DCAF8L2: variants seen among roughly 807,000 people sequenced by gnomAD.
DCAF8L2 encodes DDB1 and CUL4 associated factor 8 like 2.
For synonymous variants in DCAF8L2, 200 were observed against 190.9 expected (o/e 1.05, Z -0.39); for missense variants, 430 against 490.7 (o/e 0.88, Z 1.17).
At position 27,747,097 on chromosome X, in the gene DCAF8L2, A is replaced by T; in HGVS notation, c.202A>T (p.Thr68Ser). Residue 68 changes from threonine to serine, a missense_variant, in exon 5 of 5, where the codon ACA (threonine) becomes TCA (serine). Transcript: ENST00000451261. ...TGGTGGATTCCCCAACGATGCCAGCACAGAAAATCGAAGCTCAGACCAAGA... is the reference window on the plus strand; with the variant it reads ...TGGTGGATTCCCCAACGATGCCAGCTCAGAAAATCGAAGCTCAGACCAAGA... ...RDGGFPNDAS[T>S]ENRSSDQESA... The T allele has an allele frequency of 8.6e-7, 1 of 1,168,205 alleles. No individual in the cohort carries two copies. The highest frequency in any genetic ancestry group is 3.2e-5 in the East Asian group (1 of 30,799).
At chrX:27,637,641 C>A (rs2147181027) in intron 2 of DCAF8L2, among the ~76,000 whole-genome samples, 1 of 112,018 alleles carries the variant, frequency 8.9e-6, no homozygotes, top group Non-Finnish European at 1.9e-5. Flanking sequence ...ACTCGGGCTT[C>A]ATTCAGAAAT....
At chrX:27,667,700 A>G (rs758892129) in intron 2 of DCAF8L2, among the ~76,000 whole-genome samples, 15 of 111,755 alleles carry the variant, frequency 1.3e-4, no homozygotes, top group Non-Finnish European at 2.6e-4. Context: ...TGAAAAAGAG[A>G]ATAACTGCTT....
At chrX:27,475,216 C>T in the DCAF8L2 span, among the ~76,000 whole-genome samples, 4 of 108,232 alleles carry the variant, frequency 3.7e-5, no homozygotes, top group African/African-American at 1.3e-4. Flanking sequence ...TCACTCACTT[C>T]CCTTAGAGGT....
chrX:27,713,095 T>C (rs186994800), intron 3 of DCAF8L2, among the ~76,000 whole-genome samples: 1 of 111,986 alleles, frequency 8.9e-6, no homozygotes, highest in African/African-American at 3.2e-5. Flanking sequence ...CACCAGTGTA[T>C]AGAATGTATG....
At chrX:27,628,712 T>C (rs1012572876) in intron 1 of DCAF8L2, among the ~76,000 whole-genome samples, 1 of 109,413 alleles carries the variant, frequency 9.1e-6, no homozygotes, top group Admixed American at 9.7e-5. Context: ...CACGCCATTC[T>C]CCTGCCTCAG....
intron 4 of DCAF8L2, among the ~76,000 whole-genome samples, chrX:27,734,160 A>C (rs974928329): frequency 1.8e-5 from 2 of 111,581 alleles, no homozygotes; most frequent in Admixed American, 1.9e-4. Flanking sequence ...ATTTCTATTC[A>C]ACATAGTACT....
At chrX:27,616,023 A>C (rs973564126) in intron 1 of DCAF8L2, among the ~76,000 whole-genome samples, 1 of 111,022 alleles carries the variant, frequency 9.0e-6, no homozygotes, top group African/African-American at 3.3e-5. Context: ...AGACATTTAA[A>C]TTTTTTTCAG....
At chrX:27,554,788 G>A in the DCAF8L2 span, among the ~76,000 whole-genome samples, 1 of 111,437 alleles carries the variant, frequency 9.0e-6, no homozygotes, top group Non-Finnish European at 1.9e-5. Flanking sequence ...AGAAGGATCT[G>A]TCAGACCCGC....
intron 4 of DCAF8L2, among the ~76,000 whole-genome samples, chrX:27,723,447 A>T (rs1330350638): frequency 9.0e-6 from 1 of 111,192 alleles, no homozygotes; most frequent in Non-Finnish European, 1.9e-5. Context: ...TTCTTAGAAA[A>T]ACAAATACAA....
chrX:27,737,497 A>G (rs758170274), intron 4 of DCAF8L2, among the ~76,000 whole-genome samples: 42 of 111,398 alleles, frequency 3.8e-4, no homozygotes, highest in African/African-American at 1.4e-3. Flanking sequence ...CCCAGAAGAA[A>G]ATTCACATTA....
chrX:27,661,682 A>T (rs766082253), intron 2 of DCAF8L2, among the ~76,000 whole-genome samples: 5 of 112,101 alleles, frequency 4.5e-5, no homozygotes, highest in African/African-American at 1.6e-4. Flanking sequence ...AAAAATATTT[A>T]TAAGTGCTTA....
intron 2 of DCAF8L2, among the ~76,000 whole-genome samples, chrX:27,672,735 G>A (rs1929992059): frequency 8.9e-6 from 1 of 111,984 alleles, no homozygotes; most frequent in South Asian, 3.7e-4. Context: ...GACAACTACA[G>A]GGCGAAACTT....
the DCAF8L2 span, among the ~76,000 whole-genome samples, chrX:27,580,565 A>T: frequency 9.0e-6 from 1 of 111,247 alleles, no homozygotes; most frequent in African/African-American, 3.3e-5. Flanking sequence ...TAGGGGCCAG[A>T]TTATCCCGTG....
intron 1 of DCAF8L2, among the ~76,000 whole-genome samples, chrX:27,621,334 T>C (rs967851294): frequency 1.8e-5 from 2 of 109,712 alleles, no homozygotes; most frequent in African/African-American, 6.9e-5. Context: ...ACTTTGTCTA[T>C]ACCAATAAAT....
At chrX:27,642,799 A>C (rs1405234354) in intron 2 of DCAF8L2, among the ~76,000 whole-genome samples, 5 of 112,153 alleles carry the variant, frequency 4.5e-5, no homozygotes, top group Non-Finnish European at 9.4e-5. Flanking sequence ...TTGATACACT[A>C]TCAGAACCAT....
At chrX:27,685,187 C>G (rs1421883064) in intron 3 of DCAF8L2, among the ~76,000 whole-genome samples, 1 of 111,505 alleles carries the variant, frequency 9.0e-6, no homozygotes, top group Non-Finnish European at 1.9e-5. Context: ...TTTTTGTTTT[C>G]CAATTCTATC....
chrX:27,625,693 A>G (rs1927975908), intron 1 of DCAF8L2, among the ~76,000 whole-genome samples: 1 of 112,007 alleles, frequency 8.9e-6, no homozygotes, highest in African/African-American at 3.3e-5. Flanking sequence ...AAAGAATGAG[A>G]TCATGTTTTT....
At chrX:27,606,345 A>T (rs1242511238) in intron 1 of DCAF8L2, among the ~76,000 whole-genome samples, 3 of 67,391 alleles carry the variant, frequency 4.5e-5, no homozygotes, top group Non-Finnish European at 8.2e-5. Context: ...TAGGAATTAT[A>T]TATATATCTA....
At chrX:27,472,302 T>C in the DCAF8L2 span, among the ~76,000 whole-genome samples, 1 of 112,016 alleles carries the variant, frequency 8.9e-6, no homozygotes, top group Admixed American at 9.5e-5. Flanking sequence ...ATAGTACACA[T>C]AGAGGACAAT....
Sources: allele counts gnomAD v4.1 joint callset (sites outside exome capture counted in the v4.1 genomes callset), GRCh38; gene constraint gnomAD v4.1.1; transcripts MANE v1.5; gene names NCBI Gene and HGNC (gene_info 2026-07-23, HGNC 2026-07-21).